Variants in FER1L6 observed in about 807,000 individuals in gnomAD.
FER1L6 encodes the protein fer-1 like family member 6, also known as fer-1-like protein 6.
In FER1L6, 177 loss-of-function variants were observed where a neutral mutation model predicts 219.2. The ratio of observed to expected loss-of-function variants is 0.81; its 90% CI spans 0.71 to 0.91. FER1L6 has a LOEUF of 0.91. FER1L6 is among the 40% of genes least tolerant of loss of function. The pLI is 0.00. For missense variants in FER1L6, 2,153 were observed against 2,259.9 expected, an observed-to-expected ratio of 0.95 and a Z score of 0.96; for synonymous variants, 768 against 824.3, an observed-to-expected ratio of 0.93 and a Z score of 1.17.
chr8:124,096,677 T>C (rs1387542064), intron 35 of FER1L6, among the ~76,000 whole-genome samples: 1 of 152,204 alleles, frequency 6.6e-6, no homozygotes, highest in Non-Finnish European at 1.5e-5. Context: ...TACACTTTGT[T>C]GACTTATCTG....
At chr8:124,024,175 C>T (rs907897769) in intron 18 of FER1L6, among the ~76,000 whole-genome samples, 7 of 151,250 alleles carry the variant, frequency 4.6e-5, no homozygotes, top group African/African-American at 1.5e-4. Context: ...GGATTACAAG[C>T]GTGAGCCACC....
chr8:124,032,728 G>A (rs757222888), intron 18 of FER1L6, among the ~76,000 whole-genome samples: 6 of 144,212 alleles, frequency 4.2e-5, no homozygotes, highest in Non-Finnish European at 7.6e-5. Context: ...GTGACAGAGC[G>A]TGATTCTATG....
chr8:124,069,417 A>C lies in FER1L6; in HGVS notation c.3776A>C (p.Asp1259Ala), dbSNP rs758970977. The change falls in exon 29 of 41, where the codon GAC becomes GCC. Residue 1259 changes from aspartate (D) to alanine (A), a missense_variant. Asp to Ala is a moderately radical substitution (Grantham distance 126). Coordinates refer to ENST00000522917, the MANE Select transcript of FER1L6 (RefSeq NM_001039112.2). The stretch of plus-strand genomic sequence containing the variant: ...GAAGATGGGCCAAAGAAGAAGAAAG[A>C]CAAAATGCTCAAGAAGAAACCCAAA... ...DIEDGPKKKKDKMLKKKPKDD... is the reference protein window; with the variant it reads ...DIEDGPKKKKAKMLKKKPKDD... The C allele has an allele frequency of 3.7e-6, 6 of 1,612,474 alleles. No homozygotes were observed. Among genetic ancestry groups the C allele is most frequent in the Non-Finnish European group, 5.1e-6 (6 of 1,179,502 alleles).
At chr8:123,945,797 AAGTC>A (rs1425972232) in intron 1 of FER1L6, among the ~76,000 whole-genome samples, 1 of 152,260 alleles carries the variant, frequency 6.6e-6, no homozygotes, top group Non-Finnish European at 1.5e-5. Context: ...CATGCAAAGA[AAGTC>A]AGATTCTTTG....
intron 1 of FER1L6, among the ~76,000 whole-genome samples, chr8:123,924,353 C>T (rs972875575): frequency 1.3e-5 from 2 of 151,576 alleles, no homozygotes; most frequent in African/African-American, 4.8e-5. Flanking sequence ...CCAGCCTGGC[C>T]GACATGGTAA....
intron 14 of FER1L6, among the ~76,000 whole-genome samples, 186 bp downstream of exon 14, chr8:124,010,900 T>C (rs911090606): frequency 6.6e-6 from 1 of 152,190 alleles, no homozygotes; most frequent in Non-Finnish European, 1.5e-5. Flanking sequence ...TTTTGCAAAA[T>C]CCCTGGACTT....
In FER1L6 at chr8:124,013,328, C is replaced by CAA. The variant is rs60829730; in HGVS notation, c.1822-94_1822-93dup. On this transcript the variant is annotated intron_variant, in intron 14 of 40. Coordinates refer to ENST00000522917, the MANE Select transcript of FER1L6 (RefSeq NM_001039112.2). ...GATAAATCCTCCTTCATTGCCAAAA[C>CAA]AAAAAAAAAATAGCTGTTATTTCTA... The CAA allele has an allele frequency of 1.6e-4, 96 of 597,582 alleles. 1 individual carries two copies. The highest frequency in any genetic ancestry group is 1.2e-3 in the African/African-American group (59 of 50,832). 37.0% of individuals were successfully genotyped at this position (597,582 alleles called of 1,614,324 possible).
intron 12 of FER1L6, among the ~76,000 whole-genome samples, chr8:123,998,373 A>ACTCT (rs746709688): frequency 0.085 from 2,750 of 32,392 alleles, 467 homozygotes; most frequent in East Asian, 0.11. Context: ...AAAGAGGGAA[A>ACTCT]CTCTCTCTCT....
chr8:123,948,229 G>T (rs1421538281), intron 1 of FER1L6, among the ~76,000 whole-genome samples: 2 of 152,210 alleles, frequency 1.3e-5, no homozygotes, highest in Admixed American at 6.5e-5. Flanking sequence ...GCACAGCAAG[G>T]TTGAGGATTT....
rs537193779 is a variant in FER1L6, at chr8:123,883,462, T to C, written c.-8+31277T>C. 7.0e-4 allele frequency among the ~76,000 whole-genome samples: 107 copies of C among 152,206 alleles called. 1 individual carries two copies. The highest frequency in any genetic ancestry group is 1.4e-3 in the Non-Finnish European group (95 of 68,038). The stretch of plus-strand genomic sequence containing the variant: ...GTCTCTGAAACTTTACAGAAGGCCT[T>C]GTATGCACAGTAAACACTCAGTGGA... On this transcript the variant is annotated intron_variant, in intron 1 of 40. Transcript: ENST00000522917.
intron 1 of FER1L6, among the ~76,000 whole-genome samples, chr8:123,881,336 G>A (rs995462238): frequency 6.6e-6 from 1 of 152,170 alleles, no homozygotes; most frequent in Non-Finnish European, 1.5e-5. Flanking sequence ...GAGTTGGGAT[G>A]AAAGGCAAGA....
chr8:124,108,535 T>C (rs1412211576), intron 39 of FER1L6, among the ~76,000 whole-genome samples: 3 of 152,162 alleles, frequency 2.0e-5, no homozygotes, highest in African/African-American at 4.8e-5. Context: ...AATACCTAAA[T>C]ATCTTAGTCA....
intron 13 of FER1L6, among the ~76,000 whole-genome samples, chr8:124,009,079 C>CTGTTGGGAA (rs1316113692): frequency 6.6e-6 from 1 of 152,150 alleles, no homozygotes; most frequent in Non-Finnish European, 1.5e-5. Flanking sequence ...TTCTACACTG[C>CTGTTGGGAA]TGTTGGGAAT....
At chr8:123,900,031 G>A (rs1352096848) in intron 1 of FER1L6, among the ~76,000 whole-genome samples, 2 of 152,126 alleles carry the variant, frequency 1.3e-5, no homozygotes, top group Admixed American at 1.3e-4. Flanking sequence ...ATGCTGTGAA[G>A]AATGATGGTG....
At chr8:123,999,528 T>C (rs1174073355) in intron 12 of FER1L6, among the ~76,000 whole-genome samples, 1 of 152,092 alleles carries the variant, frequency 6.6e-6, no homozygotes, top group Non-Finnish European at 1.5e-5. Context: ...CCAGGTGTGG[T>C]GGCACATGGC....
At chr8:124,017,823 T>C (rs1818268384) in intron 16 of FER1L6, 105 bp downstream of exon 16, 2 of 800,734 alleles carry the variant, frequency 2.5e-6, no homozygotes, top group Non-Finnish European at 4.0e-6. Flanking sequence ...AGGTCATACA[T>C]TTTTGGGATG....
chr8:123,963,176 G>T (rs1815377094), intron 2 of FER1L6, 102 bp from the exon 3 acceptor site: 2 of 1,489,082 alleles, frequency 1.3e-6, no homozygotes, highest in South Asian at 1.2e-5. Context: ...TAGTCTCTTT[G>T]TACCACTTAT....
Position 124,010,717 on chromosome 8 carries a change from A to AG in FER1L6, c.1821+5dup. On this transcript the variant is annotated splice_donor_region_variant and intron_variant, in intron 14 of 40. Coordinates refer to ENST00000522917, the MANE Select transcript of FER1L6 (RefSeq NM_001039112.2). ...TGGAGAAAATGGCAGACTTCCTGGT[A>AG]GGTGACTCTGACAGGTGATGGATTA... 4 of 1,613,058 alleles carry AG rather than the reference A, an allele frequency of 2.5e-6. No individual in the cohort carries two copies. Among genetic ancestry groups the AG allele is most frequent in the Non-Finnish European group, 3.4e-6 (4 of 1,179,784 alleles).
chr8:123,988,763 T>C (rs1816711497), intron 12 of FER1L6, among the ~76,000 whole-genome samples: 1 of 151,316 alleles, frequency 6.6e-6, no homozygotes, highest in Non-Finnish European at 1.5e-5. Context: ...GATCATATCA[T>C]CTGCAAACAA....
Sources: gnomAD v4.1 joint callset for allele counts (sites outside exome capture counted in the v4.1 genomes callset) on GRCh38, gnomAD v4.1.1 for gene constraint, MANE v1.5 for transcripts, NCBI Gene and HGNC (gene_info 2026-07-23, HGNC 2026-07-21) for gene names.